The following PHYHIP variants were observed in gnomAD, a reference collection of about 807,000 sequenced individuals.
The protein encoded by PHYHIP is phytanoyl-CoA hydroxylase-interacting protein.
PHYHIP carries 7 observed loss-of-function variants against 26.1 expected under a neutral mutation model. That is an observed-to-expected ratio of 0.27 (90% CI 0.15 to 0.50). The LOEUF (loss-of-function observed/expected upper bound fraction) is 0.50. Ranked by LOEUF, PHYHIP falls within the 20% of genes least tolerant of loss-of-function variation. PHYHIP has a pLI of 0.98. For synonymous variants in PHYHIP, 206 were observed against 183.4 expected (o/e 1.12, Z -1.00); for missense variants, 232 against 454.7 (o/e 0.51, Z 4.45).
Position 22,221,093 on chromosome 8 carries a change from G to T in PHYHIP, c.*260C>A. 1 of 459,450 alleles carries T rather than the reference G, an allele frequency of 2.2e-6. No homozygotes were observed. Among genetic ancestry groups the T allele is most frequent in the East Asian group, 3.2e-5 (1 of 31,470 alleles). 28.5% of individuals were successfully genotyped at this position (459,450 alleles called of 1,614,324 possible). On this transcript the variant is annotated 3_prime_UTR_variant, in exon 5 of 5. Transcript: ENST00000454243. This position sits in a 1 kb window ranked among gnomAD's most constrained non-coding sequence, Gnocchi z 7.9. ...GTAGGACAAGGAAACCAGAGGAAAG[G>T]GGAAGTTCTCCAGAAGTCCAGCCCA... is the stretch of plus-strand genomic sequence containing the variant.
chr8:22,226,975 C>G lies in PHYHIP; in HGVS notation c.216G>C (p.Val72=). ...VAKAVPLPMT[V]RGHWFLSPRT... ...GGGGGCTCAGGAACCAGTGGCCTCT[C>G]ACCGTCATGGGCAGCGGCACTGCCT... Residue 72 remains valine, a synonymous_variant, in exon 3 of 5, where the codon GTG becomes GTC. Coordinates refer to ENST00000454243, the MANE Select transcript of PHYHIP (RefSeq NM_014759.5). The G allele has an allele frequency of 6.2e-7, 1 of 1,613,948 alleles. No individual in the cohort carries two copies. The highest frequency in any genetic ancestry group is 8.5e-7 in the Non-Finnish European group (1 of 1,179,996).
rs1054767197 is a variant in PHYHIP at position 22,227,122 on chromosome 8, G to C, written c.166-97C>G. On this transcript the variant is annotated intron_variant, in intron 2 of 4. Coordinates refer to ENST00000454243, the MANE Select transcript of PHYHIP (RefSeq NM_014759.5). ...GAATCCCCACTCCCCAGATGGCCCT[G>C]TTTCTCCTGAGCAGGACCAATCTTG... 79 of 1,119,242 alleles carry C rather than the reference G, an allele frequency of 7.1e-5. No homozygotes were observed. In the African/African-American group the frequency reaches 1.2e-3, roughly 17 times the overall value. The allele number at this position is 1,119,242 out of a possible 1,614,324, so 69.3% of individuals were successfully genotyped here.
chr8:22,226,059 C>T lies in PHYHIP; in HGVS notation c.340+792G>A, dbSNP rs570790635. Among the ~76,000 whole-genome samples, 16 of 152,164 alleles carry T rather than the reference C, an allele frequency of 1.1e-4. No individual in the cohort carries two copies. The East Asian group carries it at 2.3e-3, about 22-fold the overall frequency. ...TCGTGAGGGACCAAGCACACATAGGCCCACTGTTTGTTTGTGATGGAGTCT... is the reference window on the plus strand; with the variant it reads ...TCGTGAGGGACCAAGCACACATAGGTCCACTGTTTGTTTGTGATGGAGTCT... On this transcript the variant is annotated intron_variant, in intron 3 of 4. Transcript: ENST00000454243.
chr8:22,226,954 G>A lies in PHYHIP; in HGVS notation c.237C>T (p.Ser79=), dbSNP rs1829759897. 1 of 1,613,874 alleles carries A rather than the reference G, an allele frequency of 6.2e-7. No homozygotes were observed. The highest frequency in any genetic ancestry group is 8.5e-7 in the Non-Finnish European group (1 of 1,180,010). Residue 79 remains serine, a synonymous_variant, in exon 3 of 5, where the codon AGC becomes AGT. Coordinates refer to ENST00000454243, the MANE Select transcript of PHYHIP (RefSeq NM_014759.5). ...PMTVRGHWFL[S]PRTEYSVAVQ... ...CGGCCACACTGTACTCCGTGCGGGG[G>A]CTCAGGAACCAGTGGCCTCTCACCG...
chr8:22,226,836 A>G lies in PHYHIP; in HGVS notation c.340+15T>C, dbSNP rs200881811. On this transcript the variant is annotated intron_variant, in intron 3 of 4. Transcript: ENST00000454243. ...TGCCAAGCAGCAGGACAGGGGTGTGATAGCAGGGCCTCACCCCCAGTGCAG... is the reference window on the plus strand; with the variant it reads ...TGCCAAGCAGCAGGACAGGGGTGTGGTAGCAGGGCCTCACCCCCAGTGCAG... 6.2e-7 allele frequency: 1 copy of G among 1,603,730 alleles called. No individual in the cohort carries two copies. Among genetic ancestry groups the G allele is most frequent in the Non-Finnish European group, 8.5e-7 (1 of 1,173,466 alleles).
Position 22,227,038 on chromosome 8 carries a change from G to A in PHYHIP, c.166-13C>T. 3.8e-6 allele frequency: 6 copies of A among 1,598,490 alleles called. No homozygotes were observed. The highest frequency in any genetic ancestry group is 5.1e-6 in the Non-Finnish European group (6 of 1,171,938). ...TGGTGGGGACGTCCTGAGAAACAGG[G>A]TACAAACAGAGAGCCAGGCGTCAAA... On this transcript the variant is annotated splice_polypyrimidine_tract_variant and intron_variant, in intron 2 of 4. Transcript: ENST00000454243.
At chr8:22,227,069 G>A (rs369622526) in intron 2 of PHYHIP, 44 bp from the exon 3 acceptor site, 2 of 1,546,532 alleles carry the variant, frequency 1.3e-6, no homozygotes, top group Middle Eastern at 3.4e-4. Context: ...TCAAACAGGG[G>A]TTCATGCCCA....
rs529237028 is a variant in PHYHIP, at chr8:22,222,867, AT to A, written c.459-981del. Among the ~76,000 whole-genome samples the A allele has an allele frequency of 5.6e-3, 846 of 152,150 alleles. 13 individuals carry two copies. The highest frequency in any genetic ancestry group is 0.02 in the African/African-American group (820 of 41,492). On this transcript the variant is annotated intron_variant, in intron 4 of 4. Transcript: ENST00000454243. Reference sequence around the variant, plus strand: ...AATCCACACCCGGCTAATTCTTTAAATTTTTTGCAGAGGCTGGGGTCTCACT... The same window carrying A: ...AATCCACACCCGGCTAATTCTTTAAATTTTTGCAGAGGCTGGGGTCTCACT...
At chr8:22,228,168 G>C in intron 2 of PHYHIP, 25 bp downstream of exon 2, 1 of 1,606,656 alleles carries the variant, frequency 6.2e-7, no homozygotes, top group Non-Finnish European at 8.5e-7. Context: ...GCTGGGGAGG[G>C]GCTCCCAGGA....
intron 2 of PHYHIP, chr8:22,227,830 G>T (rs975781101): frequency 2.4e-6 from 1 of 417,942 alleles, no homozygotes; most frequent in East Asian, 6.8e-5. Context: ...GACTTGAGAC[G>T]TCATCCCCAT....
At chr8:22,222,815 T>C (rs563724478) in intron 4 of PHYHIP, among the ~76,000 whole-genome samples, 227 of 152,286 alleles carry the variant, frequency 1.5e-3, no homozygotes, top group African/African-American at 5.3e-3. Flanking sequence ...CACAGCTCAC[T>C]GCAAGCTCGA....
chr8:22,222,669 C>T (rs1030684478), intron 4 of PHYHIP, among the ~76,000 whole-genome samples: 3 of 152,204 alleles, frequency 2.0e-5, no homozygotes, highest in Non-Finnish European at 4.4e-5. Flanking sequence ...GTGAACTGTG[C>T]CTTTATCTTT....
intron 2 of PHYHIP, chr8:22,227,607 C>T (rs1221652729): frequency 2.2e-6 from 1 of 456,232 alleles, no homozygotes; most frequent in Non-Finnish European, 4.4e-6. Flanking sequence ...CTTCCTCCCA[C>T]CCACCCCCAC....
chr8:22,230,503 G>A (rs796396969), intron 1 of PHYHIP, among the ~76,000 whole-genome samples: 8 of 152,192 alleles, frequency 5.3e-5, no homozygotes, highest in African/African-American at 1.9e-4. Context: ...AGGGGTGGGT[G>A]TGAACCCAAG....
chr8:22,230,661 C>A (rs1829848642), intron 1 of PHYHIP, among the ~76,000 whole-genome samples: 1 of 152,000 alleles, frequency 6.6e-6, no homozygotes. Flanking sequence ...CGCATACACA[C>A]ATGCGCCAAG....
intron 3 of PHYHIP, among the ~76,000 whole-genome samples, chr8:22,226,196 T>C (rs1829741817): frequency 6.6e-6 from 1 of 152,178 alleles, no homozygotes; most frequent in Non-Finnish European, 1.5e-5. Flanking sequence ...CAAGTGCACA[T>C]TGACAAATAA....
Sources: gnomAD v4.1 joint callset for allele counts (sites outside exome capture counted in the v4.1 genomes callset) on GRCh38, gnomAD v4.1.1 for gene constraint, Gnocchi (gnomAD v3.1) non-coding constraint, MANE v1.5 for transcripts, NCBI Gene and HGNC (gene_info 2026-07-23, HGNC 2026-07-21) for gene names.